Variants in SMS observed in about 807,000 individuals in gnomAD.
SMS encodes the protein spermine synthase.
In SMS, 3 loss-of-function variants were observed where a neutral mutation model predicts 33.0. The ratio of observed to expected loss-of-function variants is 0.09; its 90% CI spans 0.04 to 0.23. The LOEUF is 0.23. SMS is among the 10% of genes least tolerant of loss of function. The pLI is 1.00. For missense variants in SMS, 117 were observed against 288.6 expected, an observed-to-expected ratio of 0.41 and a Z score of 4.31; for synonymous variants, 103 against 112.2, an observed-to-expected ratio of 0.92 and a Z score of 0.52.
chrX:21,957,147 C>A (rs1161643496), intron 1 of SMS, among the ~76,000 whole-genome samples: 1 of 90,154 alleles, frequency 1.1e-5, no homozygotes, highest in Non-Finnish European at 2.1e-5. Flanking sequence ...GAGGAGAAAC[C>A]AACTACTTTT....
chrX:21,985,488 T>C (rs748514701), intron 9 of SMS, among the ~76,000 whole-genome samples: 1 of 111,611 alleles, frequency 9.0e-6, no homozygotes, highest in Non-Finnish European at 1.9e-5. Context: ...CTCATCAACA[T>C]ACACTTGATG....
At chrX:21,954,937 A>G (rs1375477979) in intron 1 of SMS, among the ~76,000 whole-genome samples, 2 of 110,647 alleles carry the variant, frequency 1.8e-5, no homozygotes, top group African/African-American at 6.6e-5. Context: ...TCTGGGTTCA[A>G]GGGATTCCCT....
chrX:21,992,361 A>G (rs1337620517), intron 9 of SMS, among the ~76,000 whole-genome samples: 1 of 112,757 alleles, frequency 8.9e-6, no homozygotes, highest in Non-Finnish European at 1.9e-5. Context: ...GCTTTCTATC[A>G]TTTCATATTC....
intron 5 of SMS, among the ~76,000 whole-genome samples, chrX:21,977,747 A>C (rs895015840): frequency 7.1e-5 from 8 of 112,437 alleles, no homozygotes; most frequent in Non-Finnish European, 1.3e-4. Flanking sequence ...TTTTCTTCCC[A>C]CTGACTAATG....
rs1445878329 is a variant in SMS at position 21,940,824 on chromosome X, T to C, written c.-1T>C. The C allele has an allele frequency of 9.8e-6, 11 of 1,120,307 alleles. No individual in the cohort carries two copies. Among genetic ancestry groups the C allele is most frequent in the South Asian group, 3.9e-5 (2 of 50,799 alleles). 92.3% of individuals were successfully genotyped at this position (1,120,307 alleles called of 1,213,427 possible). On this transcript the variant is annotated 5_prime_UTR_variant, in exon 1 of 11. Coordinates refer to ENST00000404933, the MANE Select transcript of SMS (RefSeq NM_004595.5). The stretch of plus-strand genomic sequence containing the variant: ...GGCATGGCACAGGGCCTCGCCTCAC[T>C]ATGGCAGCAGCACGGCACAGCACGC...
chrX:21,963,794 G>A (rs1282613677), intron 1 of SMS, among the ~76,000 whole-genome samples: 1 of 112,278 alleles, frequency 8.9e-6, no homozygotes, highest in African/African-American at 3.2e-5. Context: ...CCAGCATGGG[G>A]GTTCGGGTTC....
chrX:21,978,138 C>G lies in SMS; in HGVS notation c.660+24C>G, dbSNP rs368000472. On this transcript the variant is annotated intron_variant, in intron 6 of 10. Coordinates refer to ENST00000404933, the MANE Select transcript of SMS (RefSeq NM_004595.5). The stretch of plus-strand genomic sequence containing the variant: ...AGATATCCTTTGTTGTATAAGAGAA[C>G]AAGTTCAGTGGGCTTCTTTTGTTTC... 267 of 1,185,516 alleles carry G rather than the reference C, an allele frequency of 2.3e-4. 1 individual carries two copies. The highest frequency in any genetic ancestry group is 3.0e-4 in the Non-Finnish European group (262 of 872,663).
intron 1 of SMS, among the ~76,000 whole-genome samples, chrX:21,941,951 A>AGTC (rs1389915384): frequency 9.8e-6 from 1 of 101,535 alleles, no homozygotes; most frequent in Non-Finnish European, 2.0e-5. Flanking sequence ...GGCCTGCTAA[A>AGTC]GTCGGAACTG....
intron 1 of SMS, among the ~76,000 whole-genome samples, chrX:21,959,698 T>C (rs900971103): frequency 8.9e-6 from 1 of 112,685 alleles, no homozygotes; most frequent in Non-Finnish European, 1.9e-5. Flanking sequence ...TTTCCTCTTT[T>C]AGGTTTAGGG....
chrX:21,973,058 A>C (rs1469487501), intron 4 of SMS, among the ~76,000 whole-genome samples: 1 of 111,813 alleles, frequency 8.9e-6, no homozygotes, highest in African/African-American at 3.3e-5. Context: ...CACCAAAACA[A>C]GACAGTGTAT....
intron 1 of SMS, among the ~76,000 whole-genome samples, chrX:21,963,677 C>A (rs753499908): frequency 9.0e-6 from 1 of 111,388 alleles, no homozygotes; most frequent in Admixed American, 9.5e-5. Flanking sequence ...TTTCCTTGGC[C>A]TAAGGGATGA....
intron 1 of SMS, chrX:21,941,173 C>A: frequency 8.8e-6 from 1 of 114,138 alleles, no homozygotes; most frequent in Admixed American, 9.2e-5. Context: ...CGTCCACCCG[C>A]GCTCCCACGC....
chrX:21,965,608 C>T (rs1183808190), intron 1 of SMS, among the ~76,000 whole-genome samples: 17 of 50,304 alleles, frequency 3.4e-4, no homozygotes, highest in East Asian at 4.7e-4. Context: ...AAAAGCCGGG[C>T]GTGGTGGCGG....
chrX:21,957,008 G>A (rs182260995), intron 1 of SMS, among the ~76,000 whole-genome samples: 3 of 111,791 alleles, frequency 2.7e-5, no homozygotes, highest in East Asian at 2.8e-4. Flanking sequence ...CCTACACACC[G>A]CAGCCACTCA....
chrX:21,991,856 A>G (rs776188224), intron 9 of SMS, among the ~76,000 whole-genome samples: 1 of 111,510 alleles, frequency 9.0e-6, no homozygotes, highest in African/African-American at 3.3e-5. Context: ...TATCACATCT[A>G]GGTCATAGCT....
At chrX:21,988,056 C>G (rs190068742) in intron 9 of SMS, among the ~76,000 whole-genome samples, 192 of 112,246 alleles carry the variant, frequency 1.7e-3, no homozygotes, top group Non-Finnish European at 8.5e-4. Context: ...TAAGAATTGT[C>G]CAAAAGACAT....
At chrX:21,965,471 T>C (rs1923637726) in intron 1 of SMS, among the ~76,000 whole-genome samples, 1 of 107,182 alleles carries the variant, frequency 9.3e-6, no homozygotes, top group African/African-American at 3.4e-5. Context: ...ACCCCATCGC[T>C]ACCAAAAATG....
intron 1 of SMS, among the ~76,000 whole-genome samples, chrX:21,964,409 A>T (rs1415157829): frequency 9.0e-6 from 1 of 110,571 alleles, no homozygotes; most frequent in Non-Finnish European, 1.9e-5. Context: ...ATCCAGCCCT[A>T]CCCAAGTCCT....
intron 1 of SMS, among the ~76,000 whole-genome samples, chrX:21,950,848 G>A (rs1362702612): frequency 8.9e-6 from 1 of 111,962 alleles, no homozygotes; most frequent in African/African-American, 3.3e-5. Context: ...GTCTATCATA[G>A]ATGGGCATTT....
Sources: allele counts gnomAD v4.1 joint callset (sites outside exome capture counted in the v4.1 genomes callset), GRCh38; gene constraint gnomAD v4.1.1; transcripts MANE v1.5; gene names NCBI Gene and HGNC (gene_info 2026-07-23, HGNC 2026-07-21).